ZNF804B: variants seen among roughly 807,000 people sequenced by gnomAD.
The protein encoded by ZNF804B is zinc finger protein 804B, also known as zinc finger 804B.
ZNF804B carries 80 observed loss-of-function variants against 101.4 expected under a neutral mutation model. That is an observed-to-expected ratio of 0.79 (90% CI 0.66 to 0.95). The LOEUF is 0.95. Among genes scored for constraint, ZNF804B ranks in the 40% least tolerant of loss-of-function variants. The pLI is 0.00. For missense variants in ZNF804B, 1,673 were observed against 1,561.9 expected (o/e 1.07, Z -1.20); for synonymous variants, 622 against 558.8 (o/e 1.11, Z -1.59).
At chr7:88,976,875 G>A (rs1793621401) in intron 1 of ZNF804B, among the ~76,000 whole-genome samples, 1 of 151,450 alleles carries the variant, frequency 6.6e-6, no homozygotes, top group South Asian at 2.1e-4. Flanking sequence ...GTGGGTCTGT[G>A]GTACATGGCT....
At chr7:89,127,455 C>T (rs907296237) in intron 1 of ZNF804B, among the ~76,000 whole-genome samples, 20 of 151,698 alleles carry the variant, frequency 1.3e-4, no homozygotes, top group African/African-American at 4.8e-4. Context: ...ACTGAAAGTG[C>T]CTCAATGATC....
At chr7:89,060,238 T>A (rs1789359104) in intron 1 of ZNF804B, among the ~76,000 whole-genome samples, 1 of 152,148 alleles carries the variant, frequency 6.6e-6, no homozygotes, top group Non-Finnish European at 1.5e-5. Flanking sequence ...ACATGTCATA[T>A]TGGTTCTGTC....
At chr7:89,272,267 T>G (rs1379031414) in intron 2 of ZNF804B, among the ~76,000 whole-genome samples, 2 of 152,144 alleles carry the variant, frequency 1.3e-5, no homozygotes, top group Admixed American at 6.6e-5. Context: ...TAGCAAATGG[T>G]CAATAAATAT....
At chr7:89,274,634 C>T (rs1232768823) in intron 2 of ZNF804B, among the ~76,000 whole-genome samples, 1 of 151,702 alleles carries the variant, frequency 6.6e-6, no homozygotes, top group South Asian at 2.1e-4. Context: ...GTTCCCCAAA[C>T]TCCCAACACC....
At chr7:88,929,943 A>G (rs565460751) in intron 1 of ZNF804B, among the ~76,000 whole-genome samples, 94 of 151,880 alleles carry the variant, frequency 6.2e-4, no homozygotes, top group African/African-American at 2.2e-3. Flanking sequence ...CGAACTTTCA[A>G]AAAAAATGTA....
rs147968163 is a variant in ZNF804B, at chr7:88,842,932, A to G, written c.108+82848A>G. Among the ~76,000 whole-genome samples, 308 of 152,338 alleles carry G rather than the reference A, an allele frequency of 2.0e-3. 2 individuals are homozygous for G. Among genetic ancestry groups the G allele is most frequent in the African/African-American group, 7.3e-3 (302 of 41,584 alleles). On this transcript the variant is annotated intron_variant, in intron 1 of 3. Transcript: ENST00000333190. Reference sequence around the variant, plus strand: ...AATAATATTCATGATTCTGCAATACAGAAAATACATCTCTAATTGAAATAT... The same window carrying G: ...AATAATATTCATGATTCTGCAATACGGAAAATACATCTCTAATTGAAATAT...
chr7:88,815,231 A>G (rs1790858221), intron 1 of ZNF804B, among the ~76,000 whole-genome samples: 1 of 148,172 alleles, frequency 6.7e-6, no homozygotes. Context: ...TTTAAAAGTT[A>G]TTTTATTATT....
At chr7:89,230,886 T>C (rs73397188) in intron 2 of ZNF804B, among the ~76,000 whole-genome samples, 5,426 of 152,126 alleles carry the variant, frequency 0.036, 300 homozygotes, top group African/African-American at 0.12. Context: ...CATTTACATA[T>C]CTTCTTTGGT....
intron 1 of ZNF804B, among the ~76,000 whole-genome samples, chr7:88,874,402 C>A (rs1245704754): frequency 8.6e-5 from 13 of 151,606 alleles, no homozygotes; most frequent in East Asian, 3.9e-4. Flanking sequence ...GATATACAAT[C>A]ATGTCGTCTG....
In ZNF804B at chr7:89,171,842, T is replaced by C. The variant is rs1791241952; in HGVS notation, c.109-46313T>C. On this transcript the variant is annotated intron_variant, in intron 1 of 3. Coordinates refer to ENST00000333190, the MANE Select transcript of ZNF804B (RefSeq NM_181646.5). The stretch of plus-strand genomic sequence containing the variant: ...GATCCGAGCCTGGATCATCTTATTT[T>C]GAAGTCTGAGATCTTAATCCTGAAA... Among the ~76,000 whole-genome samples the C allele has an allele frequency of 2.6e-5, 4 of 152,286 alleles. No homozygotes were observed. The South Asian group carries it at 8.3e-4, about 32-fold the overall frequency.
chr7:89,083,740 T>C (rs569232289), intron 1 of ZNF804B, among the ~76,000 whole-genome samples: 11 of 152,038 alleles, frequency 7.2e-5, no homozygotes, highest in African/African-American at 2.6e-4. Flanking sequence ...AGATTTTTTT[T>C]TCAGAAATTA....
At chr7:89,022,595 A>G (rs1223782602) in intron 1 of ZNF804B, among the ~76,000 whole-genome samples, 2 of 152,202 alleles carry the variant, frequency 1.3e-5, no homozygotes, top group African/African-American at 2.4e-5. Flanking sequence ...GGCTTGTAGG[A>G]CAGTGTTTTC....
At chr7:89,261,918 A>G (rs1411242074) in intron 2 of ZNF804B, among the ~76,000 whole-genome samples, 5 of 152,136 alleles carry the variant, frequency 3.3e-5, no homozygotes, top group Admixed American at 2.0e-4. Context: ...TAGTCATTTG[A>G]ATCCGCTTTT....
At chr7:89,005,705 C>T (rs192485980) in intron 1 of ZNF804B, among the ~76,000 whole-genome samples, 1 of 152,152 alleles carries the variant, frequency 6.6e-6, no homozygotes, top group East Asian at 1.9e-4. Context: ...GCAAATAGCT[C>T]AGTCTTTACT....
At chr7:89,297,813 T>TA (rs545401002) in intron 2 of ZNF804B, among the ~76,000 whole-genome samples, 4,529 of 151,858 alleles carry the variant, frequency 0.03, 83 homozygotes, top group African/African-American at 0.046. Context: ...TTTTGAAGAG[T>TA]AAGGACATTA....
intron 1 of ZNF804B, among the ~76,000 whole-genome samples, chr7:89,132,579 A>G (rs73393267): frequency 0.054 from 8,203 of 152,040 alleles, 725 homozygotes; most frequent in African/African-American, 0.19. Flanking sequence ...TTCTGTACAC[A>G]CTTCCATTGT....
chr7:88,837,143 C>T (rs1180689351), intron 1 of ZNF804B, among the ~76,000 whole-genome samples: 1 of 151,870 alleles, frequency 6.6e-6, no homozygotes, highest in Non-Finnish European at 1.5e-5. Context: ...TAAACAATCC[C>T]CTTTCTTCAT....
At chr7:89,280,257 C>T (rs1408762235) in intron 2 of ZNF804B, among the ~76,000 whole-genome samples, 1 of 151,710 alleles carries the variant, frequency 6.6e-6, no homozygotes, top group South Asian at 2.1e-4. Context: ...ACATTCAAAG[C>T]AGTGTGTAGA....
chr7:88,879,332 A>T (rs191157793), intron 1 of ZNF804B, among the ~76,000 whole-genome samples: 1 of 152,200 alleles, frequency 6.6e-6, no homozygotes, highest in East Asian at 1.9e-4. Context: ...AGTAAAAAAA[A>T]TCTTACTTTT....
Sources: gnomAD v4.1 joint callset for allele counts (sites outside exome capture counted in the v4.1 genomes callset) on GRCh38, gnomAD v4.1.1 for gene constraint, MANE v1.5 for transcripts, NCBI Gene and HGNC (gene_info 2026-07-23, HGNC 2026-07-21) for gene names.